The following SI variants were observed in gnomAD, a reference collection of about 807,000 sequenced individuals.
The protein encoded by SI is sucrase-isomaltase.
In SI, 235 loss-of-function variants were observed where a neutral mutation model predicts 253.3. The ratio of observed to expected loss-of-function variants is 0.93; its 90% CI spans 0.83 to 1.03. The LOEUF (loss-of-function observed/expected upper bound fraction) is 1.03. Among genes scored for constraint, SI ranks in the 50% least tolerant of loss-of-function variants. SI has a pLI of 0.00. For synonymous variants in SI, 819 were observed against 712.0 expected (o/e 1.15, Z -2.39); for missense variants, 2,442 against 2,211.1 (o/e 1.10, Z -2.09).
chr3:165,044,095 A>C (rs1486828224), intron 16 of SI, among the ~76,000 whole-genome samples: 1 of 152,008 alleles, frequency 6.6e-6, no homozygotes, highest in East Asian at 1.9e-4. Context: ...AAATTATATA[A>C]AATTACCTTC....
rs1713842351 is a variant in SI at position 165,058,954 on chromosome 3, A to G, written c.1398+9T>C. 1 of 1,609,068 alleles carries G rather than the reference A, an allele frequency of 6.2e-7. No homozygotes were observed. Among genetic ancestry groups the G allele is most frequent in the Non-Finnish European group, 8.5e-7 (1 of 1,176,378 alleles). On this transcript the variant is annotated intron_variant, in intron 12 of 47. Coordinates refer to ENST00000264382, the MANE Select transcript of SI (RefSeq NM_001041.4). ...GAGCAACATAGTTTTAATAAATATC[A>G]TATTTTACCTCTCCAATAATTGGTG...
the SI span, among the ~76,000 whole-genome samples, chr3:165,088,953 A>G: frequency 5.0e-4 from 76 of 152,208 alleles, 1 homozygote; most frequent in Admixed American, 4.3e-3. Flanking sequence ...AGGTAACATT[A>G]TCAAGCTAAA....
intron 24 of SI, 42 bp from the exon 25 acceptor site, chr3:165,030,909 A>AG: frequency 6.6e-7 from 1 of 1,519,500 alleles, no homozygotes; most frequent in Middle Eastern, 2.4e-4. Flanking sequence ...GAAAAAAAAA[A>AG]CACAAACAAA....
rs879639090 is a variant in SI at position 164,979,299 on chromosome 3, A to G, written c.*63T>C. ...GAACCAAGTGAAGAGGGAAAATTGT[A>G]AGTGCTGTGAAACTTAAATCCTGGT... On this transcript the variant is annotated 3_prime_UTR_variant, in exon 48 of 48. Transcript: ENST00000264382. 1 of 932,640 alleles carries G rather than the reference A, an allele frequency of 1.1e-6. No homozygotes were observed. Among genetic ancestry groups the G allele is most frequent in the East Asian group, 2.4e-5 (1 of 41,610 alleles). 57.8% of individuals were successfully genotyped at this position (932,640 alleles called of 1,614,324 possible).
chr3:164,995,875 C>T (rs1445471175), intron 40 of SI, among the ~76,000 whole-genome samples: 3 of 151,670 alleles, frequency 2.0e-5, no homozygotes, highest in African/African-American at 7.3e-5. Flanking sequence ...TGAGCAAGGA[C>T]TTCGTAAATA....
the SI span, among the ~76,000 whole-genome samples, chr3:165,085,532 G>A: frequency 1.3e-5 from 2 of 152,042 alleles, no homozygotes; most frequent in Admixed American, 6.6e-5. Flanking sequence ...ATCAAGAAAC[G>A]CTGTCCAGCT....
At chr3:164,998,863 TTTCCC>T (rs1416385019) in intron 37 of SI, among the ~76,000 whole-genome samples, 190 bp from the exon 38 acceptor site, 1 of 151,822 alleles carries the variant, frequency 6.6e-6, no homozygotes, top group African/African-American at 2.4e-5. Flanking sequence ...AGGACGTCTT[TTTCCC>T]TTCCAACATT....
chr3:165,030,227 A>G (rs1712160734), intron 25 of SI, among the ~76,000 whole-genome samples: 2 of 150,946 alleles, frequency 1.3e-5, no homozygotes, highest in African/African-American at 4.8e-5. Flanking sequence ...AACACCTGCC[A>G]TCCTCAGCCA....
intron 47 of SI, among the ~76,000 whole-genome samples, chr3:164,980,991 G>A (rs76884822): frequency 0.043 from 6,512 of 151,836 alleles, 474 homozygotes; most frequent in African/African-American, 0.15. Context: ...TAGTTGTTTT[G>A]GGGAATTAAT....
intron 40 of SI, among the ~76,000 whole-genome samples, 185 bp downstream of exon 40, chr3:164,996,350 T>G (rs143467541): frequency 0.011 from 1,742 of 151,854 alleles, 24 homozygotes; most frequent in Middle Eastern, 0.031. Flanking sequence ...GTTCCTACTC[T>G]TCCATAATTT....
intron 24 of SI, among the ~76,000 whole-genome samples, chr3:165,031,085 G>GTA (rs1444884766): frequency 3.4e-5 from 5 of 149,216 alleles, no homozygotes; most frequent in Admixed American, 2.0e-4. Context: ...GTGTATTTAT[G>GTA]TATATATATA....
chr3:165,043,324 C>T (rs1291440756), intron 16 of SI, 149 bp from the exon 17 acceptor site: 13 of 592,956 alleles, frequency 2.2e-5, no homozygotes, highest in Middle Eastern at 9.1e-4. Flanking sequence ...ATTTATTTTC[C>T]ATTTTTGCTC....
Position 164,992,389 on chromosome 3 carries a change from T to C in SI, c.4850A>G (p.Asp1617Gly). The C allele has an allele frequency of 1.2e-6, 2 of 1,606,228 alleles. No individual in the cohort carries two copies. The highest frequency in any genetic ancestry group is 1.7e-6 in the Non-Finnish European group (2 of 1,174,858). ...VIRPLLHEFFDEKPTWDIFKQ... is the reference protein window; with the variant it reads ...VIRPLLHEFFGEKPTWDIFKQ... ...GAATATATCCCAGGTTGGTTTTTCA[T>C]CAAAGAACCTCGACAAAATTATCAC... The change falls in exon 42 of 48, where the codon GAT becomes GGT. Residue 1617 changes from aspartate (D) to glycine (G), a missense_variant. Coordinates refer to ENST00000264382, the MANE Select transcript of SI (RefSeq NM_001041.4).
chr3:165,074,700 A>C, intron 2 of SI, 33 bp from the exon 3 acceptor site: 3 of 1,539,392 alleles, frequency 1.9e-6, no homozygotes, highest in Non-Finnish European at 2.7e-6. Flanking sequence ...AAAATAAAAC[A>C]TGACATTAAA....
intron 36 of SI, among the ~76,000 whole-genome samples, chr3:165,007,652 A>AT (rs897131099): frequency 5.9e-5 from 9 of 151,702 alleles, no homozygotes; most frequent in Admixed American, 3.3e-4. Flanking sequence ...ATATTCCTTG[A>AT]TTTTTTTCTC....
At chr3:165,074,359 G>T in intron 3 of SI, 172 bp downstream of exon 3, 1 of 366,548 alleles carries the variant, frequency 2.7e-6, no homozygotes. Context: ...GGAAAGCAAG[G>T]TCAGTAACTT....
intron 41 of SI, 145 bp from the exon 42 acceptor site, chr3:164,992,542 T>A: frequency 1.6e-6 from 1 of 636,976 alleles, no homozygotes; most frequent in Non-Finnish European, 2.8e-6. Flanking sequence ...AAAAAATATA[T>A]CAGTTGGAAT....
chr3:165,025,867 A>T (rs1003785950), intron 25 of SI, among the ~76,000 whole-genome samples: 2 of 151,422 alleles, frequency 1.3e-5, no homozygotes, highest in African/African-American at 2.4e-5. Flanking sequence ...AATCCTAGAA[A>T]TACATCAAAA....
rs138275610 is a variant in SI at position 165,037,984 on chromosome 3, T to A, written c.2342A>T (p.Tyr781Phe). Residue 781 changes from tyrosine to phenylalanine, a missense_variant, in exon 21 of 48, where the codon TAT becomes TTT. By Grantham distance (22) the Tyr-to-Phe change is conservative. Coordinates refer to ENST00000264382, the MANE Select transcript of SI (RefSeq NM_001041.4). ...TAATCCTATTTTGTCTGCTGGAAGA[T>A]ACATATCAACCCGTTGTTTCCTCCA... The part of the protein sequence containing the change: ...RPWRKQRVDM[Y>F]LPADKIGLHL... The A allele has an allele frequency of 5.8e-5, 94 of 1,609,298 alleles. No individual in the cohort carries two copies. In the African/African-American group the frequency reaches 8.8e-4, roughly 15 times the overall value.
Sources: allele counts gnomAD v4.1 joint callset (sites outside exome capture counted in the v4.1 genomes callset), GRCh38; gene constraint gnomAD v4.1.1; transcripts MANE v1.5; gene names NCBI Gene and HGNC (gene_info 2026-07-23, HGNC 2026-07-21).